The following DDAH1 variants were observed in gnomAD, a reference collection of about 807,000 sequenced individuals.
The protein encoded by DDAH1 is dimethylarginine dimethylaminohydrolase 1.
Under a neutral mutation model 28.8 loss-of-function variants are expected in DDAH1, and 19 were observed. The ratio of observed to expected loss-of-function variants is 0.66; its 90% CI spans 0.46 to 0.97. DDAH1 has a LOEUF of 0.97. DDAH1 is among the 50% of genes least tolerant of loss of function. The pLI, the probability that DDAH1 is intolerant of heterozygous loss-of-function variation, is 0.00. For missense variants in DDAH1, 326 were observed against 375.9 expected, an observed-to-expected ratio of 0.87 and a Z score of 1.10; for synonymous variants, 153 against 154.4, an observed-to-expected ratio of 0.99 and a Z score of 0.07.
chr1:85,554,802 C>A (rs1268320414), intron 1 of DDAH1, among the ~76,000 whole-genome samples: 3 of 152,186 alleles, frequency 2.0e-5, no homozygotes, highest in Non-Finnish European at 4.4e-5. Flanking sequence ...TCAGTCATTG[C>A]TAATCACTAC....
rs192007733 is a variant in DDAH1 at position 85,464,176 on chromosome 1, T to G, written c.303+567A>C. Among the ~76,000 whole-genome samples the G allele has an allele frequency of 9.9e-5, 15 of 152,274 alleles. No individual in the cohort carries two copies. In the East Asian group the frequency reaches 2.7e-3, roughly 27 times the overall value. On this transcript the variant is annotated intron_variant, in intron 1 of 5. Coordinates refer to ENST00000284031, the MANE Select transcript of DDAH1 (RefSeq NM_012137.4). The surrounding 1 kb of genome is among the most constrained non-coding windows in gnomAD (Gnocchi z 4.4). Reference sequence around the variant, plus strand: ...ACCAACAAAACACTTTTCCTTCCATTCATTCACTTACTAGTCCCGTTCTTT... The same window carrying G: ...ACCAACAAAACACTTTTCCTTCCATGCATTCACTTACTAGTCCCGTTCTTT...
chr1:85,430,190 T>C (rs1653609192), intron 1 of DDAH1, among the ~76,000 whole-genome samples: 1 of 152,218 alleles, frequency 6.6e-6, no homozygotes. Context: ...GTCAGGTTTG[T>C]CAAAGATCAG....
intron 1 of DDAH1, among the ~76,000 whole-genome samples, chr1:85,443,259 C>T (rs1570551000): frequency 6.6e-6 from 1 of 152,156 alleles, no homozygotes; most frequent in Non-Finnish European, 1.5e-5. Context: ...AGTCAGTTTT[C>T]CCAGCACCAT....
Position 85,465,133 on chromosome 1 carries a change from C to T in DDAH1, c.-88G>A, listed in dbSNP as rs932560519. On this transcript the variant is annotated 5_prime_UTR_variant, in exon 1 of 6. Transcript: ENST00000284031. ...GCGCGCTGAGCCTGCGAGCGCCCGT[C>T]GGCTCCTCTTGGCAGCCGCTGAATG... 83 of 1,169,136 alleles carry T rather than the reference C, an allele frequency of 7.1e-5. No homozygotes were observed. The highest frequency in any genetic ancestry group is 8.4e-5 in the Non-Finnish European group (80 of 948,640). 72.4% of individuals were successfully genotyped at this position (1,169,136 alleles called of 1,614,324 possible). A position where few individuals can be genotyped will look rare whatever the true frequency, so the allele number is the denominator to read the frequency against.
chr1:85,368,468 T>G (rs1650193605), intron 1 of DDAH1, among the ~76,000 whole-genome samples: 1 of 152,180 alleles, frequency 6.6e-6, no homozygotes, highest in Non-Finnish European at 1.5e-5. Context: ...GGAAGAAGGC[T>G]GGAAGTGACA....
chr1:85,507,194 C>T (rs540508856), intron 1 of DDAH1, among the ~76,000 whole-genome samples: 109 of 152,026 alleles, frequency 7.2e-4, no homozygotes, highest in Non-Finnish European at 1.2e-3. Context: ...CACACCTAAA[C>T]ATTAACACCT....
intron 1 of DDAH1, among the ~76,000 whole-genome samples, chr1:85,455,256 T>A (rs1233087339): frequency 2.0e-5 from 3 of 152,068 alleles, no homozygotes; most frequent in African/African-American, 4.8e-5. Context: ...CTGAAAAAAA[T>A]AATTAAAAGA....
chr1:85,558,595 C>T (rs1168389691), intron 1 of DDAH1, among the ~76,000 whole-genome samples: 2 of 152,124 alleles, frequency 1.3e-5, no homozygotes, highest in Non-Finnish European at 2.9e-5. Context: ...TTATTGCCCT[C>T]AGGTATTTTC....
At chr1:85,393,876 T>C (rs1651679325) in intron 1 of DDAH1, among the ~76,000 whole-genome samples, 1 of 152,094 alleles carries the variant, frequency 6.6e-6, no homozygotes, top group African/African-American at 2.4e-5. Flanking sequence ...AATCAGGAGA[T>C]TGATAATCTA....
At chr1:85,465,303 G>C (rs1412169423), upstream of DDAH1, 2 of 788,506 alleles carry the variant, frequency 2.5e-6, no homozygotes, top group Non-Finnish European at 1.5e-6. Context: ...GAGTTGTAGC[G>C]GCGAGCGCCG....
intron 1 of DDAH1, among the ~76,000 whole-genome samples, chr1:85,461,281 C>T (rs1655115587): frequency 6.6e-6 from 1 of 152,200 alleles, no homozygotes; most frequent in East Asian, 1.9e-4. Context: ...TATTTACTGA[C>T]TTTCTGTAAA....
chr1:85,424,217 GGCC>G (rs1318632809), intron 1 of DDAH1, among the ~76,000 whole-genome samples: 1 of 152,032 alleles, frequency 6.6e-6, no homozygotes, highest in Non-Finnish European at 1.5e-5. Flanking sequence ...AGATAATACT[GGCC>G]ACACAGAATG....
chr1:85,333,138 C>T (rs1031906441), intron 4 of DDAH1, among the ~76,000 whole-genome samples: 4 of 152,190 alleles, frequency 2.6e-5, no homozygotes, highest in South Asian at 4.1e-4. Context: ...GCCCACCTGG[C>T]GTCCTATCCC....
intron 4 of DDAH1, among the ~76,000 whole-genome samples, chr1:85,328,508 T>C (rs902029250): frequency 6.6e-6 from 1 of 152,200 alleles, no homozygotes; most frequent in Non-Finnish European, 1.5e-5. Flanking sequence ...GGGATTCCAC[T>C]ATGTCTAAAT....
chr1:85,341,049 C>T (rs1648443968), intron 4 of DDAH1, among the ~76,000 whole-genome samples: 1 of 152,220 alleles, frequency 6.6e-6, no homozygotes, highest in South Asian at 2.1e-4. Flanking sequence ...CTCCAGAACT[C>T]CTACCACCTT....
intron 1 of DDAH1, among the ~76,000 whole-genome samples, chr1:85,504,727 G>A (rs938324162): frequency 2.6e-5 from 4 of 151,982 alleles, no homozygotes; most frequent in Non-Finnish European, 4.4e-5. Context: ...TGTTACATAC[G>A]CTAAAAAGCA....
At chr1:85,534,669 T>C (rs2254550) in intron 1 of DDAH1, among the ~76,000 whole-genome samples, 149,521 of 151,788 alleles carry the variant, frequency 0.99, 73,687 homozygotes, top group Middle Eastern at 1. Flanking sequence ...ACACGTTCAA[T>C]AACAATATGT....
chr1:85,345,324 G>A (rs1167423432), intron 4 of DDAH1, among the ~76,000 whole-genome samples: 2 of 114,598 alleles, frequency 1.7e-5, no homozygotes, highest in Non-Finnish European at 3.5e-5. Flanking sequence ...TAATTAATTT[G>A]TCTTACATTA....
chr1:85,536,782 C>T (rs569986949), intron 1 of DDAH1, among the ~76,000 whole-genome samples: 1 of 151,652 alleles, frequency 6.6e-6, no homozygotes, highest in African/African-American at 2.4e-5. Context: ...AAGAAAATTA[C>T]CATACGATCC....
Sources: allele counts gnomAD v4.1 joint callset (sites outside exome capture counted in the v4.1 genomes callset), GRCh38; gene constraint gnomAD v4.1.1; non-coding constraint Gnocchi (gnomAD v3.1); transcripts MANE v1.5; gene names NCBI Gene and HGNC (gene_info 2026-07-23, HGNC 2026-07-21).